DHX35: variants seen among roughly 807,000 people sequenced by gnomAD.
DHX35 encodes DEAH-box helicase 35, also known as probable ATP-dependent RNA helicase DHX35.
In DHX35, 84 loss-of-function variants were observed where a neutral mutation model predicts 99.6. That is an observed-to-expected ratio of 0.84 (90% confidence interval 0.71 to 1.01). DHX35 has a LOEUF of 1.01. Ranked by LOEUF, DHX35 falls within the 50% of genes least tolerant of loss-of-function variation. The pLI is 0.00. For missense variants in DHX35, 852 were observed against 888.5 expected (o/e 0.96, Z 0.52); for synonymous variants, 331 against 316.2 (o/e 1.05, Z -0.50).
Position 39,023,811 on chromosome 20 carries a change from CT to C in DHX35, c.1671+45del, listed in dbSNP as rs2086910103. On this transcript the variant is annotated intron_variant, in intron 17 of 21. Transcript: ENST00000252011. ...CGAAGTGCCGCCTCAACACACCACC[CT>C]CTGGAGGTGATCTAGGAGGGAGGAT... The C allele has an allele frequency of 2.0e-6, 3 of 1,499,766 alleles. No individual in the cohort carries two copies. In the South Asian group the frequency reaches 3.4e-5, roughly 17 times the overall value. The allele number at this position is 1,499,766 out of a possible 1,614,324, so 92.9% of individuals were successfully genotyped here.
At chr20:38,986,271 G>A (rs1186440900) in intron 4 of DHX35, among the ~76,000 whole-genome samples, 1 of 151,620 alleles carries the variant, frequency 6.6e-6, no homozygotes, top group African/African-American at 2.4e-5. Flanking sequence ...AGTTGATGAG[G>A]TTATTGGGAG....
intron 15 of DHX35, among the ~76,000 whole-genome samples, chr20:39,019,125 T>G (rs927926890): frequency 6.6e-6 from 1 of 152,180 alleles, no homozygotes; most frequent in African/African-American, 2.4e-5. Flanking sequence ...CTAGAACTTT[T>G]TCCATCTTTT....
At chr20:38,995,674 C>T (rs2086418057) in intron 8 of DHX35, among the ~76,000 whole-genome samples, 1 of 152,198 alleles carries the variant, frequency 6.6e-6, no homozygotes, top group South Asian at 2.1e-4. Flanking sequence ...ACTATATTTA[C>T]ATGCAGAAAT....
intron 13 of DHX35, among the ~76,000 whole-genome samples, chr20:39,014,491 C>T (rs758971771): frequency 6.6e-6 from 1 of 152,114 alleles, no homozygotes; most frequent in Admixed American, 6.6e-5. Context: ...AAATCATCCC[C>T]GAGCCCTGAG....
chr20:39,013,399 A>G (rs747291883), intron 13 of DHX35, among the ~76,000 whole-genome samples: 1 of 152,208 alleles, frequency 6.6e-6, no homozygotes, highest in Non-Finnish European at 1.5e-5. Context: ...AAAACAGAAA[A>G]ACATGTAGTG....
intron 2 of DHX35, among the ~76,000 whole-genome samples, chr20:38,972,234 T>G (rs181998133): frequency 2.8e-4 from 43 of 152,278 alleles, no homozygotes; most frequent in Admixed American, 8.5e-4. Context: ...GGTCTTGAAC[T>G]CCTGACCTCA....
chr20:39,034,308 A>G lies in DHX35; in HGVS notation c.2058A>G (p.Gln686=), dbSNP rs1384438618. Residue 686 remains glutamine (Q), a synonymous_variant, in exon 21 of 22, where the codon CAA becomes CAG. Transcript: ENST00000252011. ...WLLELAPHFY[Q]QGTHLSLKAK... ...TGGAGCTGGCTCCACACTTTTATCA[A>G]CAAGGAACGGTAGGAATGAACTGAG... 1 of 1,613,842 alleles carries G rather than the reference A, an allele frequency of 6.2e-7. No homozygotes were observed. Among genetic ancestry groups the G allele is most frequent in the African/African-American group, 1.3e-5 (1 of 75,050 alleles).
intron 2 of DHX35, among the ~76,000 whole-genome samples, chr20:38,970,830 A>G (rs550193364): frequency 5.3e-5 from 8 of 150,944 alleles, no homozygotes; most frequent in Middle Eastern, 3.4e-3. Flanking sequence ...AAGATAACAT[A>G]AATGAAACAG....
rs535325129 is a variant in DHX35 at position 39,011,009 on chromosome 20, T to C, written c.1347+605T>C. On this transcript the variant is annotated intron_variant, in intron 13 of 21. Transcript: ENST00000252011. ...GTGGTACTTCCATTGTGCCATGTTA[T>C]CTTCTTTGGGTTTGCTGATTTGATT... is the stretch of plus-strand genomic sequence containing the variant. Among the ~76,000 whole-genome samples the C allele has an allele frequency of 3.3e-5, 5 of 152,320 alleles. No homozygotes were observed. The South Asian group carries it at 1.0e-3, about 32-fold the overall frequency.
At chr20:39,020,700 C>T (rs998527106) in intron 15 of DHX35, among the ~76,000 whole-genome samples, 10 of 139,910 alleles carry the variant, frequency 7.1e-5, no homozygotes, top group Non-Finnish European at 1.5e-5. Context: ...ACTCTGTCGC[C>T]TAGACTAGAG....
chr20:38,974,317 G>A (rs959258446), intron 3 of DHX35, among the ~76,000 whole-genome samples: 2 of 152,156 alleles, frequency 1.3e-5, no homozygotes, highest in African/African-American at 4.8e-5. Flanking sequence ...AATCTGGTGA[G>A]GATGGGAAGG....
intron 20 of DHX35, among the ~76,000 whole-genome samples, chr20:39,031,548 G>A (rs2087053484): frequency 6.6e-6 from 1 of 152,090 alleles, no homozygotes; most frequent in South Asian, 2.1e-4. Flanking sequence ...TGTTGGCCAG[G>A]CTGGTCTCCA....
chr20:39,013,867 G>A (rs904096759), intron 13 of DHX35, among the ~76,000 whole-genome samples: 1 of 152,196 alleles, frequency 6.6e-6, no homozygotes, highest in African/African-American at 2.4e-5. Flanking sequence ...TTTAGTTCCT[G>A]CCCTCGTGTG....
chr20:39,014,834 G>A (rs1046535388), intron 13 of DHX35, 46 bp from the exon 14 acceptor site: 1 of 1,610,316 alleles, frequency 6.2e-7, no homozygotes, highest in Non-Finnish European at 8.5e-7. Context: ...TTTAATGTTT[G>A]TTGCCCAAAT....
rs184847646 is a variant in DHX35 at position 38,975,029 on chromosome 20, A to G, written c.267+2378A>G. 3.9e-5 allele frequency among the ~76,000 whole-genome samples: 6 copies of G among 152,306 alleles called. No individual in the cohort carries two copies. In the East Asian group the frequency reaches 1.2e-3, roughly 29 times the overall value. Reference sequence around the variant, plus strand: ...CCTTTGCATATTTGAATATGTTAACAATGTGTTGTTGACTGTTTGGTCCAG... The same window carrying G: ...CCTTTGCATATTTGAATATGTTAACGATGTGTTGTTGACTGTTTGGTCCAG... On this transcript the variant is annotated intron_variant, in intron 3 of 21. Transcript: ENST00000252011.
Position 39,038,729 on chromosome 20 carries a change from C to A in DHX35, c.*186C>A. ...ACAGCATTTGCATCCTTGCTGGGATCCTGGAGGACTTTGTGCATGGGCAGG... is the reference window on the plus strand; with the variant it reads ...ACAGCATTTGCATCCTTGCTGGGATACTGGAGGACTTTGTGCATGGGCAGG... On this transcript the variant is annotated 3_prime_UTR_variant, in exon 22 of 22. Coordinates refer to ENST00000252011, the MANE Select transcript of DHX35 (RefSeq NM_021931.4). 1.6e-6 allele frequency: 1 copy of A among 629,238 alleles called. No homozygotes were observed. Among genetic ancestry groups the A allele is most frequent in the Non-Finnish European group, 2.8e-6 (1 of 363,254 alleles). 39.0% of individuals were successfully genotyped at this position (629,238 alleles called of 1,614,324 possible).
chr20:39,016,705 A>G (rs2086790705), intron 14 of DHX35, among the ~76,000 whole-genome samples: 1 of 152,080 alleles, frequency 6.6e-6, no homozygotes. Context: ...TTTGTGTTAT[A>G]GCCATCCTAG....
rs770843766 is a variant in DHX35 at position 38,994,838 on chromosome 20, G to A, written c.600G>A (p.Gly200=). 1 of 1,613,518 alleles carries A rather than the reference G, an allele frequency of 6.2e-7. No homozygotes were observed. Among genetic ancestry groups the A allele is most frequent in the Non-Finnish European group, 8.5e-7 (1 of 1,179,612 alleles). Residue 200 remains glycine (G), a synonymous_variant, in exon 8 of 22, where the codon GGG becomes GGA. Transcript: ENST00000252011. ...GLLKKIQKKR[G]DLRLIVASAT... is the part of the protein sequence containing the mutation. ...TTTTTTAGATTCAGAAAAAGCGAGG[G>A]GATCTTCGATTGATTGTAGCTTCAG...
At chr20:38,991,179 C>G (rs1233073701) in intron 5 of DHX35, among the ~76,000 whole-genome samples, 1 of 152,160 alleles carries the variant, frequency 6.6e-6, no homozygotes, top group Non-Finnish European at 1.5e-5. Context: ...GTGGTGCAAG[C>G]CCAGAGGAAA....
Sources: gnomAD v4.1 joint callset for allele counts (sites outside exome capture counted in the v4.1 genomes callset) on GRCh38, gnomAD v4.1.1 for gene constraint, MANE v1.5 for transcripts, NCBI Gene and HGNC (gene_info 2026-07-23, HGNC 2026-07-21) for gene names.